The following ATP8B4 variants were observed in gnomAD, a reference collection of about 807,000 sequenced individuals.
ATP8B4 encodes ATPase phospholipid transporting 8B4 (putative).
A neutral mutation model predicts 145.6 loss-of-function variants in ATP8B4; 133 were observed. The observed-to-expected ratio is 0.91, with a 90% CI of 0.79 to 1.05. ATP8B4 has a LOEUF of 1.05. Among genes scored for constraint, ATP8B4 ranks in the 50% least tolerant of loss-of-function variants. The probability of loss-of-function intolerance (pLI) is 0.00; values close to 1 mark genes in which losing one functional copy is unlikely to be tolerated. For synonymous variants in ATP8B4, 507 were observed against 492.9 expected, an observed-to-expected ratio of 1.03 and a Z score of -0.38; for missense variants, 1,458 against 1,425.2, an observed-to-expected ratio of 1.02 and a Z score of -0.37.
At chr15:49,925,306 G>C (rs1444133968) in intron 16 of ATP8B4, among the ~76,000 whole-genome samples, 2 of 151,946 alleles carry the variant, frequency 1.3e-5, no homozygotes, top group East Asian at 3.9e-4. Flanking sequence ...ACAGATCTTT[G>C]TAACATCTAG....
intron 17 of ATP8B4, among the ~76,000 whole-genome samples, 180 bp downstream of exon 17, chr15:49,923,199 G>C (rs2040409719): frequency 6.6e-6 from 1 of 152,220 alleles, no homozygotes; most frequent in Non-Finnish European, 1.5e-5. Flanking sequence ...GGGGCAGAAA[G>C]GGGGGTGGTC....
At chr15:50,181,206 AAT>A (rs1359439311) in intron 1 of ATP8B4, among the ~76,000 whole-genome samples, 1 of 152,222 alleles carries the variant, frequency 6.6e-6, no homozygotes, top group East Asian at 1.9e-4. Flanking sequence ...TATCGTATCA[AAT>A]TAAGATAGAG....
At chr15:49,910,106 A>G (rs561117554) in intron 20 of ATP8B4, among the ~76,000 whole-genome samples, 2 of 152,314 alleles carry the variant, frequency 1.3e-5, no homozygotes, top group East Asian at 1.9e-4. Flanking sequence ...AATGAAAAAA[A>G]CAATTCAGGA....
At chr15:50,054,793 A>AC (rs2052468378) in intron 3 of ATP8B4, among the ~76,000 whole-genome samples, 1 of 139,294 alleles carries the variant, frequency 7.2e-6, no homozygotes, top group South Asian at 2.1e-4. Context: ...CAAAAAAAAA[A>AC]AAAAAAAAAA....
intron 1 of ATP8B4, among the ~76,000 whole-genome samples, chr15:50,156,139 A>AATATAT (rs544470220): frequency 2.9e-5 from 1 of 34,048 alleles, no homozygotes; most frequent in African/African-American, 8.9e-5. Flanking sequence ...TATATATATA[A>AATATAT]ATATATATAT....
chr15:50,086,572 T>C (rs2055105101), intron 2 of ATP8B4, among the ~76,000 whole-genome samples: 1 of 109,854 alleles, frequency 9.1e-6, no homozygotes, highest in Non-Finnish European at 1.6e-5. Context: ...CTATATTTAT[T>C]ATATATAATA....
chr15:50,049,614 A>G (rs111544170), intron 3 of ATP8B4, among the ~76,000 whole-genome samples: 13,043 of 152,202 alleles, frequency 0.086, 782 homozygotes, highest in East Asian at 0.31. Context: ...ATGAACATAC[A>G]AGTGCATGTG....
In ATP8B4 at chr15:50,105,734, T is replaced by C. The variant is rs566508589; in HGVS notation, c.28+1205A>G. 3.1e-4 allele frequency among the ~76,000 whole-genome samples: 47 copies of C among 152,344 alleles called. 1 individual carries two copies. Among genetic ancestry groups the C allele is most frequent in the African/African-American group, 1.1e-3 (46 of 41,586 alleles). On this transcript the variant is annotated intron_variant, in intron 2 of 27. Transcript: ENST00000284509. ...CTTATTTTTATTTCCAAAAATTTCC[T>C]ACTTTTACATATATGCATTAATATA...
chr15:50,161,565 AATAAT>A (rs1417696799), intron 1 of ATP8B4, among the ~76,000 whole-genome samples: 4 of 152,110 alleles, frequency 2.6e-5, no homozygotes, highest in African/African-American at 9.6e-5. Context: ...GAGGCTTGTA[AATAAT>A]ATGTCATAAG....
chr15:50,166,365 C>T (rs1182286545), intron 1 of ATP8B4, among the ~76,000 whole-genome samples: 1 of 152,188 alleles, frequency 6.6e-6, no homozygotes, highest in East Asian at 1.9e-4. Context: ...CAAGTAAGCA[C>T]TAAATTACAT....
chr15:49,877,414 G>A (rs2034622300), intron 24 of ATP8B4, among the ~76,000 whole-genome samples: 2 of 152,208 alleles, frequency 1.3e-5, no homozygotes, highest in Admixed American at 1.3e-4. Flanking sequence ...AGAGGCGAAA[G>A]TGGAAGCAAC....
At chr15:49,937,234 G>C (rs2041815679) in intron 14 of ATP8B4, among the ~76,000 whole-genome samples, 1 of 152,104 alleles carries the variant, frequency 6.6e-6, no homozygotes, top group Non-Finnish European at 1.5e-5. Flanking sequence ...GGACTTATTG[G>C]CTATCACGTT....
chr15:50,101,443 C>T (rs953664807), intron 2 of ATP8B4, among the ~76,000 whole-genome samples: 4 of 151,870 alleles, frequency 2.6e-5, no homozygotes, highest in Non-Finnish European at 5.9e-5. Context: ...AGTAGCTATT[C>T]TCATAACAGA....
chr15:49,972,882 C>A, intron 12 of ATP8B4, 92 bp from the exon 13 acceptor site: 1 of 1,292,778 alleles, frequency 7.7e-7, no homozygotes, highest in Admixed American at 2.3e-5. Context: ...CTGCCAAAGT[C>A]TCCAGGGGTT....
At chr15:50,101,197 G>T (rs144517090) in intron 2 of ATP8B4, among the ~76,000 whole-genome samples, 1 of 152,194 alleles carries the variant, frequency 6.6e-6, no homozygotes, top group African/African-American at 2.4e-5. Flanking sequence ...TGAAAAATGG[G>T]ATATATGCCA....
At chr15:50,089,796 C>T (rs1241457519) in intron 2 of ATP8B4, among the ~76,000 whole-genome samples, 1 of 152,010 alleles carries the variant, frequency 6.6e-6, no homozygotes, top group Non-Finnish European at 1.5e-5. Flanking sequence ...TTGTGGAAGT[C>T]AGTATGGCGA....
At chr15:50,034,866 A>C (rs1177431107) in intron 6 of ATP8B4, among the ~76,000 whole-genome samples, 1 of 152,156 alleles carries the variant, frequency 6.6e-6, no homozygotes, top group Non-Finnish European at 1.5e-5. Flanking sequence ...AGTTAGCATG[A>C]CTTGAGGAAA....
intron 9 of ATP8B4, among the ~76,000 whole-genome samples, chr15:49,989,239 T>C (rs546969621): frequency 1.3e-5 from 2 of 152,194 alleles, no homozygotes; most frequent in Non-Finnish European, 2.9e-5. Flanking sequence ...GAGGAGACAT[T>C]TTCTAAATCC....
At position 49,999,650 on chromosome 15, in the gene ATP8B4, T is replaced by G. The variant is rs182910774; in HGVS notation, c.506+2503A>C. ...AGTATCTTGATAAACTTCAAAGTGA[T>G]TTTCAGCATAAGAAACAATACCAAA... On this transcript the variant is annotated intron_variant, in intron 8 of 27. Transcript: ENST00000284509. Among the ~76,000 whole-genome samples, 17 of 152,244 alleles carry G rather than the reference T, an allele frequency of 1.1e-4. No homozygotes were observed. In the East Asian group the frequency reaches 3.3e-3, roughly 29 times the overall value.
Sources: allele counts gnomAD v4.1 joint callset (sites outside exome capture counted in the v4.1 genomes callset), GRCh38; gene constraint gnomAD v4.1.1; transcripts MANE v1.5; gene names NCBI Gene and HGNC (gene_info 2026-07-23, HGNC 2026-07-21).